The following CEP72 variants were observed in gnomAD, a reference collection of about 807,000 sequenced individuals.
CEP72 encodes the protein centrosomal protein of 72 kDa.
Under a neutral mutation model 65.7 loss-of-function variants are expected in CEP72, and 78 were observed. The ratio of observed to expected loss-of-function variants is 1.19; its 90% CI spans 0.99 to 1.43. The LOEUF (loss-of-function observed/expected upper bound fraction) is 1.43, where lower values mean the gene tolerates loss of function less well. Among genes scored for constraint, CEP72 ranks in the 40% most tolerant of loss-of-function variants. The probability of loss-of-function intolerance (pLI) is 0.00; values close to 1 mark genes in which losing one functional copy is unlikely to be tolerated. For synonymous variants in CEP72, 358 were observed against 351.7 expected, an observed-to-expected ratio of 1.02 and a Z score of -0.20; for missense variants, 914 against 832.9, an observed-to-expected ratio of 1.10 and a Z score of -1.20.
chr5:619,736 G>T (rs1052612949), intron 2 of CEP72, among the ~76,000 whole-genome samples: 3 of 152,204 alleles, frequency 2.0e-5, no homozygotes, highest in Admixed American at 6.5e-5. Flanking sequence ...ATCTGTGAAG[G>T]GGGGGCTGAT....
Position 624,398 on chromosome 5 carries a change from G to A in CEP72, c.404-73G>A. On this transcript the variant is annotated intron_variant, in intron 3 of 11. Coordinates refer to ENST00000264935, the MANE Select transcript of CEP72 (RefSeq NM_018140.4). This position sits in a 1 kb window ranked among gnomAD's most constrained non-coding sequence, Gnocchi z 4.7. ...CGAGGGGATGGACACCCTGCCCCGT[G>A]TAGATGCCCCAGGGTGGATGCAGCC... The A allele has an allele frequency of 9.6e-7, 1 of 1,045,968 alleles. No individual in the cohort carries two copies. The highest frequency in any genetic ancestry group is 1.8e-5 in the Admixed American group (1 of 57,078). The allele number at this position is 1,045,968 out of a possible 1,614,324, so 64.8% of individuals were successfully genotyped here.
At position 620,140 on chromosome 5, in the gene CEP72, G is replaced by C. The variant is rs746466085; in HGVS notation, c.282G>C (p.Val94=). ...ACTGCATCTCCTCGTTGGCAGAAGT[G>C]TTTCGGCTCCACGCCTTAACCGAGC... ...YYNCISSLAE[V]FRLHALTELV... is the part of the protein sequence containing the mutation. Residue 94 remains valine, a synonymous_variant, in exon 3 of 12, where the codon GTG becomes GTC. Coordinates refer to ENST00000264935, the MANE Select transcript of CEP72 (RefSeq NM_018140.4). 6.2e-7 allele frequency: 1 copy of C among 1,614,204 alleles called. No homozygotes were observed. Among genetic ancestry groups the C allele is most frequent in the South Asian group, 1.1e-5 (1 of 91,088 alleles).
At chr5:665,452 C>T (rs1351210185) in intron 3 of CEP72, 25 of 707,714 alleles carry the variant, frequency 3.5e-5, no homozygotes, top group Admixed American at 2.9e-5. Context: ...CTTATTTTTA[C>T]CTCTCCTGAC....
At chr5:669,128 C>T (rs573154459), downstream of CEP72, among the ~76,000 whole-genome samples, 150 of 152,308 alleles carry the variant, frequency 9.8e-4, no homozygotes, top group African/African-American at 3.5e-3. Context: ...GGGAGGGGAG[C>T]GGAGGCCTCG....
Position 614,515 on chromosome 5 carries a change from C to T in CEP72, c.82+2072C>T, listed in dbSNP as rs939250442. Among the ~76,000 whole-genome samples, 3 of 135,384 alleles carry T rather than the reference C, an allele frequency of 2.2e-5. No individual in the cohort carries two copies. The South Asian group carries it at 7.0e-4, about 31-fold the overall frequency. The allele number at this position is 135,384 out of a possible 152,430, so 88.8% of individuals were successfully genotyped here. A position where few individuals can be genotyped will look rare whatever the true frequency, so the allele number is the denominator to read the frequency against. On this transcript the variant is annotated intron_variant, in intron 1 of 11. Transcript: ENST00000264935. The stretch of plus-strand genomic sequence containing the variant: ...CCAGGCTGGAGTGCAGTGACGCAAT[C>T]TTGGCTCATTGAAAGCTCTGCCTCC...
In CEP72 at chr5:633,820, G is replaced by C. The variant is rs1309663806; in HGVS notation, c.564G>C (p.Leu188=). The C allele has an allele frequency of 7.4e-6, 12 of 1,613,984 alleles. No individual in the cohort carries two copies. In the Admixed American group the frequency reaches 2.0e-4, roughly 27 times the overall value. The change falls in exon 5 of 12, where the codon CTG becomes CTC. Residue 188 remains leucine (L), a synonymous_variant. Coordinates refer to ENST00000264935, the MANE Select transcript of CEP72 (RefSeq NM_018140.4). ...CCGAGGCCTTGGCCAAGCAGAGCCT[G>C]GTCATGGATGCGGATGACGAGGCAG... ...KCTEALAKQS[L]VMDADDEAVL...
intron 4 of CEP72, among the ~76,000 whole-genome samples, chr5:633,202 A>G (rs368719975): frequency 2.1e-4 from 13 of 61,226 alleles, no homozygotes; most frequent in Middle Eastern, 0.014. Flanking sequence ...GCCGGGATTT[A>G]GACCAGTCCT....
intron 9 of CEP72, among the ~76,000 whole-genome samples, chr5:643,977 A>T (rs1421920587): frequency 6.6e-6 from 1 of 152,202 alleles, no homozygotes; most frequent in Non-Finnish European, 1.5e-5. Flanking sequence ...AACCGCCACC[A>T]GCTGCCCTGC....
At chr5:640,360 C>A in intron 8 of CEP72, 48 bp from the exon 9 acceptor site, 1 of 1,575,986 alleles carries the variant, frequency 6.3e-7, no homozygotes. Context: ...GTTTACATTT[C>A]ATCCTTTAAG....
chr5:617,603 A>C (rs1201673408), intron 1 of CEP72, among the ~76,000 whole-genome samples: 3 of 152,216 alleles, frequency 2.0e-5, no homozygotes, highest in Non-Finnish European at 4.4e-5. Flanking sequence ...GGGGACAATG[A>C]ACTGCTTGTC....
intron 4 of CEP72, among the ~76,000 whole-genome samples, chr5:633,256 G>C: frequency 9.7e-6 from 1 of 103,338 alleles, no homozygotes; most frequent in Non-Finnish European, 1.9e-5. Context: ...GTCCTGGTGG[G>C]GTGCTGTCCA....
intron 10 of CEP72, among the ~76,000 whole-genome samples, chr5:647,047 A>G (rs1738473196): frequency 6.6e-6 from 1 of 152,184 alleles, no homozygotes; most frequent in South Asian, 2.1e-4. Context: ...CTACGTGAAC[A>G]TGTCCATCGA....
chr5:668,411 CAG>C (rs1394368913), downstream of CEP72, among the ~76,000 whole-genome samples: 12 of 103,706 alleles, frequency 1.2e-4, no homozygotes, highest in Non-Finnish European at 1.7e-4. Context: ...GACAAGCACA[CAG>C]AGAGGGGGCC....
chr5:639,381 A>G (rs1737849373), intron 8 of CEP72, among the ~76,000 whole-genome samples, 157 bp downstream of exon 8: 1 of 152,188 alleles, frequency 6.6e-6, no homozygotes, highest in South Asian at 2.1e-4. Flanking sequence ...CCTCCCTGGC[A>G]GTCTTTGCAT....
intron 11 of CEP72, among the ~76,000 whole-genome samples, chr5:650,254 TGTGACTGTGAGGC>T (rs1738906731): frequency 3.3e-5 from 1 of 30,404 alleles, no homozygotes; most frequent in Non-Finnish European, 5.2e-5. Context: ...GACTGTGAGG[TGTGACTGTGAGGC>T]GTGGACTGTG....
intron 3 of CEP72, among the ~76,000 whole-genome samples, 185 bp downstream of exon 3, chr5:620,446 C>T (rs558641921): frequency 6.6e-6 from 1 of 152,328 alleles, no homozygotes; most frequent in Non-Finnish European, 1.5e-5. Flanking sequence ...TGTGTCTGCA[C>T]AGGACAGGGC....
At position 647,906 on chromosome 5, in the gene CEP72, G is replaced by A. The variant is rs1021378041; in HGVS notation, c.1768G>A (p.Glu590Lys). ...CCAGGAGCTCACGCAGATGCTGCAG[G>A]AGAGCCACAGGTGCCTGCCCGTGAG... ...KIQELTQMLQESHSSLVSTNE... is the reference protein window; with the variant it reads ...KIQELTQMLQKSHSSLVSTNE... The change falls in exon 11 of 12, where the codon GAG (glutamate) becomes AAG (lysine). Residue 590 changes from glutamate (E) to lysine (K), a missense_variant. Glu to Lys is a moderately conservative substitution (Grantham distance 56). Coordinates refer to ENST00000264935, the MANE Select transcript of CEP72 (RefSeq NM_018140.4). The A allele has an allele frequency of 6.2e-6, 10 of 1,610,666 alleles. No homozygotes were observed. The highest frequency in any genetic ancestry group is 1.3e-5 in the African/African-American group (1 of 74,838).
At position 612,357 on chromosome 5, in the gene CEP72, G is replaced by C; in HGVS notation, c.-5G>C. 6.7e-7 allele frequency: 1 copy of C among 1,488,984 alleles called. No homozygotes were observed. The highest frequency in any genetic ancestry group is 8.9e-7 in the Non-Finnish European group (1 of 1,124,688). 92.2% of individuals were successfully genotyped at this position (1,488,984 alleles called of 1,614,324 possible). ...CAGGCGCCGTCCGAGGGCTCCGTTT[G>C]AAACATGGCGCGGGCTGGCCCTCGG... On this transcript the variant is annotated 5_prime_UTR_variant, in exon 1 of 12. Coordinates refer to ENST00000264935, the MANE Select transcript of CEP72 (RefSeq NM_018140.4).
At chr5:663,854 C>G (rs1398174958) in intron 2 of CEP72, 1 of 152,384 alleles carries the variant, frequency 6.6e-6, no homozygotes, top group Admixed American at 6.5e-5. Flanking sequence ...TGTGTGCGTG[C>G]CAAGGGACAG....
Sources: gnomAD v4.1 joint callset for allele counts (sites outside exome capture counted in the v4.1 genomes callset) on GRCh38, gnomAD v4.1.1 for gene constraint, Gnocchi (gnomAD v3.1) non-coding constraint, MANE v1.5 for transcripts, NCBI Gene and HGNC (gene_info 2026-07-23, HGNC 2026-07-21) for gene names.